CCDC73: variants seen among roughly 807,000 people sequenced by gnomAD.
CCDC73 encodes coiled-coil domain-containing protein 73.
CCDC73 carries 95 observed loss-of-function variants against 116.5 expected under a neutral mutation model. That is an observed-to-expected ratio of 0.82 (90% CI 0.69 to 0.97). CCDC73 has a LOEUF of 0.97. Among genes scored for constraint, CCDC73 ranks in the 50% least tolerant of loss-of-function variants. CCDC73 has a pLI of 0.00. For synonymous variants in CCDC73, 398 were observed against 401.3 expected, an observed-to-expected ratio of 0.99 and a Z score of 0.10; for missense variants, 1,066 against 1,206.8, an observed-to-expected ratio of 0.88 and a Z score of 1.73.
At chr11:32,664,037 A>T (rs1356332299) in intron 9 of CCDC73, among the ~76,000 whole-genome samples, 2 of 152,160 alleles carry the variant, frequency 1.3e-5, no homozygotes, top group African/African-American at 4.8e-5. Context: ...AGCCCAGTTG[A>T]TCATGGTGGA....
At chr11:32,632,290 A>G (rs1855638658) in intron 14 of CCDC73, among the ~76,000 whole-genome samples, 1 of 152,168 alleles carries the variant, frequency 6.6e-6, no homozygotes, top group African/African-American at 2.4e-5. Flanking sequence ...CAGTGGTGCC[A>G]TCTTGCCTCA....
chr11:32,745,250 T>G (rs899553236), intron 2 of CCDC73, among the ~76,000 whole-genome samples: 15 of 152,244 alleles, frequency 9.9e-5, no homozygotes, highest in Admixed American at 3.9e-4. Context: ...TCTAATTTGA[T>G]TGCCCTGTGG....
chr11:32,643,283 G>A (rs914063735), intron 12 of CCDC73, among the ~76,000 whole-genome samples: 6 of 152,032 alleles, frequency 3.9e-5, no homozygotes, highest in African/African-American at 7.2e-5. Flanking sequence ...AGAGTACCCA[G>A]TGAATATCTA....
At chr11:32,778,908 C>T (rs768417028) in intron 1 of CCDC73, among the ~76,000 whole-genome samples, 2 of 152,094 alleles carry the variant, frequency 1.3e-5, no homozygotes, top group Admixed American at 6.6e-5. Context: ...TATTTCTCCA[C>T]TTGGTAAACT....
intron 1 of CCDC73, among the ~76,000 whole-genome samples, chr11:32,787,753 C>T (rs1375975387): frequency 6.6e-6 from 1 of 152,212 alleles, no homozygotes; most frequent in Admixed American, 6.5e-5. Flanking sequence ...TAATTATACA[C>T]AAGCTGGTGC....
At chr11:32,711,940 G>C (rs540556730) in intron 3 of CCDC73, among the ~76,000 whole-genome samples, 4 of 152,264 alleles carry the variant, frequency 2.6e-5, no homozygotes, top group South Asian at 4.1e-4. Flanking sequence ...AGTGGCAAAA[G>C]CCAGCTCCTT....
At chr11:32,798,586 G>A (rs1305003596), upstream of CCDC73, among the ~76,000 whole-genome samples, 5 of 152,178 alleles carry the variant, frequency 3.3e-5, no homozygotes, top group African/African-American at 4.8e-5. Context: ...GATTACAGGC[G>A]TGAACCACTG....
At chr11:32,684,314 T>C (rs1487617399) in intron 6 of CCDC73, among the ~76,000 whole-genome samples, 18 of 152,254 alleles carry the variant, frequency 1.2e-4, no homozygotes, top group African/African-American at 4.1e-4. Context: ...TGCCCTCTTA[T>C]AGTGCTGAGA....
At chr11:32,676,781 C>T (rs928053714) in intron 7 of CCDC73, among the ~76,000 whole-genome samples, 1 of 152,054 alleles carries the variant, frequency 6.6e-6, no homozygotes, top group Non-Finnish European at 1.5e-5. Context: ...AAGACCCCAT[C>T]GCTAAAAGAG....
chr11:32,607,763 G>C (rs963183983), intron 17 of CCDC73, among the ~76,000 whole-genome samples: 5 of 152,084 alleles, frequency 3.3e-5, no homozygotes, highest in African/African-American at 1.2e-4. Flanking sequence ...AGAGTGAAAA[G>C]GGTGTATTAG....
chr11:32,774,723 G>A (rs1222834585), intron 1 of CCDC73, among the ~76,000 whole-genome samples: 1 of 152,126 alleles, frequency 6.6e-6, no homozygotes, highest in Admixed American at 6.6e-5. Flanking sequence ...ACTTAATTAT[G>A]TAAAACAATG....
Position 32,654,046 on chromosome 11 carries a change from T to C in CCDC73, c.775-9A>G. ...TCATTTAATTCCAATTCCTTTAAAA[T>C]TTGAATAGTTTTAAAGTTATGATAT... On this transcript the variant is annotated splice_polypyrimidine_tract_variant and intron_variant, in intron 10 of 17. Transcript: ENST00000335185. The C allele has an allele frequency of 6.3e-7, 1 of 1,580,364 alleles. No homozygotes were observed. Among genetic ancestry groups the C allele is most frequent in the Non-Finnish European group, 8.6e-7 (1 of 1,162,320 alleles).
rs372165517 is a variant in CCDC73, at chr11:32,679,584, G to A, written c.430-3563C>T. Among the ~76,000 whole-genome samples the A allele has an allele frequency of 3.5e-4, 53 of 152,156 alleles. 2 individuals are homozygous for A. The East Asian group carries it at 6.6e-3, about 19-fold the overall frequency. On this transcript the variant is annotated intron_variant, in intron 7 of 17. Transcript: ENST00000335185. The stretch of plus-strand genomic sequence containing the variant: ...TCACTGTGTTGCCCAGGCTGGCCTC[G>A]AACTCCTGAACCCAGGCAATCCACC...
chr11:32,636,579 C>T (rs1416204811), intron 13 of CCDC73, among the ~76,000 whole-genome samples: 3 of 151,980 alleles, frequency 2.0e-5, no homozygotes. Context: ...TTAAAAGTTT[C>T]TTATAAAAGT....
chr11:32,693,629 C>A lies in CCDC73; in HGVS notation c.390+5622G>T, dbSNP rs137999714. 5.9e-3 allele frequency among the ~76,000 whole-genome samples: 898 copies of A among 152,234 alleles called. 6 individuals carry two copies. Among genetic ancestry groups the A allele is most frequent in the Non-Finnish European group, 5.8e-3 (394 of 68,006 alleles). ...CACAACAAAAAGAGGGAATTTTAGA[C>A]GAATATCCCTGATGAACATCGATGC... is the stretch of plus-strand genomic sequence containing the variant. On this transcript the variant is annotated intron_variant, in intron 6 of 17. Coordinates refer to ENST00000335185, the MANE Select transcript of CCDC73 (RefSeq NM_001008391.4).
chr11:32,649,932 T>A lies in CCDC73; in HGVS notation c.939+3191A>T, dbSNP rs115147298. On this transcript the variant is annotated intron_variant, in intron 12 of 17. Transcript: ENST00000335185. ...ACTTTAAAATTTTAGTTTTATAAAATCTAGCTTCTCTATATACTATCAAGG... is the reference window on the plus strand; with the variant it reads ...ACTTTAAAATTTTAGTTTTATAAAAACTAGCTTCTCTATATACTATCAAGG... 7.1e-3 allele frequency among the ~76,000 whole-genome samples: 1,087 copies of A among 152,300 alleles called. 16 individuals carry two copies. The highest frequency in any genetic ancestry group is 0.025 in the African/African-American group (1,048 of 41,576).
chr11:32,667,613 G>T (rs2133279228), intron 9 of CCDC73, among the ~76,000 whole-genome samples: 1 of 152,296 alleles, frequency 6.6e-6, no homozygotes, highest in Non-Finnish European at 1.5e-5. Context: ...CACTTCCCTG[G>T]TGAGGCGATG....
At chr11:32,658,539 G>A (rs951944797) in intron 9 of CCDC73, among the ~76,000 whole-genome samples, 6 of 152,230 alleles carry the variant, frequency 3.9e-5, no homozygotes, top group Non-Finnish European at 7.4e-5. Context: ...AAGAAGCCTG[G>A]GACTTGATTT....
chr11:32,730,160 T>C (rs1216690686), intron 2 of CCDC73, among the ~76,000 whole-genome samples: 3 of 152,228 alleles, frequency 2.0e-5, no homozygotes, highest in Non-Finnish European at 4.4e-5. Context: ...TTTTACAGGT[T>C]TGACAGAAGA....
Sources: gnomAD v4.1 joint callset for allele counts (sites outside exome capture counted in the v4.1 genomes callset) on GRCh38, gnomAD v4.1.1 for gene constraint, MANE v1.5 for transcripts, NCBI Gene and HGNC (gene_info 2026-07-23, HGNC 2026-07-21) for gene names.